The following SLC39A8 variants were observed in gnomAD, a reference collection of about 807,000 sequenced individuals.
SLC39A8 encodes solute carrier family 39 member 8, also known as metal cation symporter ZIP8.
In SLC39A8, 15 loss-of-function variants were observed where a neutral mutation model predicts 40.4. The observed-to-expected ratio is 0.37, with a 90% CI of 0.25 to 0.57. SLC39A8 has a LOEUF of 0.57. Ranked by LOEUF, SLC39A8 falls within the 20% of genes least tolerant of loss-of-function variation. The pLI, the probability that SLC39A8 is intolerant of heterozygous loss-of-function variation, is 0.75. For synonymous variants in SLC39A8, 223 were observed against 221.6 expected, an observed-to-expected ratio of 1.01 and a Z score of -0.06; for missense variants, 472 against 558.8, an observed-to-expected ratio of 0.84 and a Z score of 1.57.
intron 6 of SLC39A8, among the ~76,000 whole-genome samples, chr4:102,288,223 A>G (rs1390018760): frequency 6.6e-6 from 1 of 151,980 alleles, no homozygotes; most frequent in Non-Finnish European, 1.5e-5. Context: ...AAACTTTTTC[A>G]TTATTATTAT....
At chr4:102,267,150 G>A (rs962323418) in intron 8 of SLC39A8, among the ~76,000 whole-genome samples, 2 of 152,114 alleles carry the variant, frequency 1.3e-5, no homozygotes, top group Non-Finnish European at 2.9e-5. Context: ...GGAGAAAAAG[G>A]AGAAAAAGTC....
chr4:102,311,867 A>T lies in SLC39A8; in HGVS notation c.382+3801T>A, dbSNP rs1027945031. Among the ~76,000 whole-genome samples, 5 of 152,012 alleles carry T rather than the reference A, an allele frequency of 3.3e-5. No homozygotes were observed. The East Asian group carries it at 9.7e-4, about 29-fold the overall frequency. On this transcript the variant is annotated intron_variant, in intron 3 of 8. Coordinates refer to ENST00000356736, the MANE Select transcript of SLC39A8 (RefSeq NM_001135146.2). Reference sequence around the variant, plus strand: ...TTGCTTTGGATGAGCTAAAGACTTGACTCTTCATTAAGTGAAAAGTTATAT... The same window carrying T: ...TTGCTTTGGATGAGCTAAAGACTTGTCTCTTCATTAAGTGAAAAGTTATAT...
intron 2 of SLC39A8, among the ~76,000 whole-genome samples, chr4:102,327,487 C>T (rs1170091663): frequency 5.3e-5 from 8 of 152,314 alleles, no homozygotes; most frequent in African/African-American, 1.9e-4. Flanking sequence ...TACCCAACTC[C>T]TGTCTGTCCT....
At chr4:102,271,697 T>C (rs1021314052) in intron 6 of SLC39A8, among the ~76,000 whole-genome samples, 1 of 152,224 alleles carries the variant, frequency 6.6e-6, no homozygotes, top group African/African-American at 2.4e-5. Flanking sequence ...ATACAATATA[T>C]GTCTTCCCTG....
intron 6 of SLC39A8, among the ~76,000 whole-genome samples, chr4:102,292,262 C>T (rs1048856797): frequency 6.6e-6 from 1 of 152,008 alleles, no homozygotes; most frequent in African/African-American, 2.4e-5. Flanking sequence ...TTAATTTCAT[C>T]TTTCTACAAT....
At chr4:102,307,659 G>A (rs1734246056) in intron 3 of SLC39A8, 54 bp from the exon 4 acceptor site, 1 of 1,547,604 alleles carries the variant, frequency 6.5e-7, no homozygotes, top group Non-Finnish European at 8.8e-7. Context: ...GGAACCAAAT[G>A]ATGTTTTCCT....
chr4:102,273,691 G>A (rs759916376), intron 6 of SLC39A8, among the ~76,000 whole-genome samples: 1 of 152,168 alleles, frequency 6.6e-6, no homozygotes, highest in African/African-American at 2.4e-5. Flanking sequence ...ACTTCATACA[G>A]AAGGGCTCCA....
chr4:102,320,191 G>GTA (rs1371345326), intron 2 of SLC39A8, among the ~76,000 whole-genome samples: 3 of 66,550 alleles, frequency 4.5e-5, no homozygotes, highest in Non-Finnish European at 6.5e-5. Context: ...ATATATATAT[G>GTA]TATATATATA....
In SLC39A8 at chr4:102,305,203, C is replaced by G. The variant is rs1426395258; in HGVS notation, c.553-92G>C. The G allele has an allele frequency of 1.2e-5, 15 of 1,284,548 alleles. No homozygotes were observed. The East Asian group carries it at 3.8e-4, about 33-fold the overall frequency. 79.6% of individuals were successfully genotyped at this position (1,284,548 alleles called of 1,614,324 possible). A position where few individuals can be genotyped will look rare whatever the true frequency, so the allele number is the denominator to read the frequency against. On this transcript the variant is annotated intron_variant, in intron 4 of 8. Coordinates refer to ENST00000356736, the MANE Select transcript of SLC39A8 (RefSeq NM_001135146.2). The stretch of plus-strand genomic sequence containing the variant: ...CCAGTATGCAATTCTCACCAATGTT[C>G]TAAGTCTCTCTTCACATCCAAGTAA...
chr4:102,321,676 G>A (rs1734973675), intron 2 of SLC39A8, among the ~76,000 whole-genome samples: 1 of 152,356 alleles, frequency 6.6e-6, no homozygotes, highest in South Asian at 2.1e-4. Flanking sequence ...AACCTAGGAA[G>A]AGAAGCCCAT....
chr4:102,278,639 G>A (rs1218304447), intron 6 of SLC39A8, among the ~76,000 whole-genome samples: 1 of 152,090 alleles, frequency 6.6e-6, no homozygotes, highest in African/African-American at 2.4e-5. Flanking sequence ...CTATTACTGG[G>A]TATATACCCA....
chr4:102,300,245 T>C (rs1733863795), intron 6 of SLC39A8, among the ~76,000 whole-genome samples: 2 of 152,094 alleles, frequency 1.3e-5, no homozygotes, highest in African/African-American at 4.8e-5. Flanking sequence ...TTAAAAGTTA[T>C]AATCAAGCTA....
chr4:102,284,463 G>A, intron 6 of SLC39A8, among the ~76,000 whole-genome samples: 1 of 152,204 alleles, frequency 6.6e-6, no homozygotes, highest in South Asian at 2.1e-4. Context: ...AGCAGAGCTT[G>A]GCACTTGGCA....
intron 2 of SLC39A8, among the ~76,000 whole-genome samples, chr4:102,329,615 T>C (rs1335178882): frequency 7.3e-6 from 1 of 137,078 alleles, no homozygotes; most frequent in African/African-American, 2.8e-5. Context: ...AGAGCAAGAA[T>C]CTGTCTCAAA....
At chr4:102,253,649 C>T (rs1731643262) in intron 11 of SLC39A8, among the ~76,000 whole-genome samples, 1 of 151,322 alleles carries the variant, frequency 6.6e-6, no homozygotes, top group Admixed American at 6.6e-5. Flanking sequence ...TCTAATTTCC[C>T]TTCTAATTTA....
chr4:102,261,267 T>C (rs973138587), downstream of SLC39A8, among the ~76,000 whole-genome samples: 1 of 152,242 alleles, frequency 6.6e-6, no homozygotes, highest in Non-Finnish European at 1.5e-5. Flanking sequence ...ACTGGAAGTT[T>C]TCCCCTGGCA....
chr4:102,300,662 C>G (rs1208384450), intron 6 of SLC39A8, among the ~76,000 whole-genome samples: 2 of 151,966 alleles, frequency 1.3e-5, no homozygotes, highest in Non-Finnish European at 2.9e-5. Context: ...TTTGTTGAAG[C>G]AGTGACAGCC....
At chr4:102,327,975 T>C (rs528747614) in intron 2 of SLC39A8, among the ~76,000 whole-genome samples, 11 of 152,320 alleles carry the variant, frequency 7.2e-5, no homozygotes, top group African/African-American at 2.2e-4. Flanking sequence ...CTAATCCTGA[T>C]ATCAGTGTTT....
intron 2 of SLC39A8, among the ~76,000 whole-genome samples, chr4:102,332,603 T>C (rs1735512939): frequency 6.6e-6 from 1 of 152,244 alleles, no homozygotes; most frequent in South Asian, 2.1e-4. Context: ...AAAGACAGTG[T>C]GGCAATTCCT....
Sources: allele counts gnomAD v4.1 joint callset (sites outside exome capture counted in the v4.1 genomes callset), GRCh38; gene constraint gnomAD v4.1.1; transcripts MANE v1.5; gene names NCBI Gene and HGNC (gene_info 2026-07-23, HGNC 2026-07-21).